GRM1: variants seen among roughly 807,000 people sequenced by gnomAD.
The protein encoded by GRM1 is metabotropic glutamate receptor 1.
Under a neutral mutation model 90.9 loss-of-function variants are expected in GRM1, and 33 were observed. The observed-to-expected ratio is 0.36, with a 90% CI of 0.28 to 0.49. GRM1 has a LOEUF of 0.49. Ranked by LOEUF, GRM1 falls within the 20% of genes least tolerant of loss-of-function variation. The probability of loss-of-function intolerance (pLI) is 0.99; values close to 1 mark genes in which losing one functional copy is unlikely to be tolerated. For synonymous variants in GRM1, 700 were observed against 613.2 expected, an observed-to-expected ratio of 1.14 and a Z score of -2.09; for missense variants, 1,190 against 1,534.3, an observed-to-expected ratio of 0.78 and a Z score of 3.75.
At chr6:146,123,934 T>C (rs1221888053) in intron 1 of GRM1, among the ~76,000 whole-genome samples, 1 of 152,182 alleles carries the variant, frequency 6.6e-6, no homozygotes, top group Non-Finnish European at 1.5e-5. Context: ...CAGATATCCA[T>C]CATGAAGCAG....
At position 146,211,887 on chromosome 6, in the gene GRM1, G is replaced by GA. The variant is rs1391861982; in HGVS notation, c.950+52293dup. ...ATGTATCAGTCAGGGCTCAACCAGA[G>GA]AAAGAGAATCATTAGGAGAGGTACA... is the stretch of plus-strand genomic sequence containing the variant. On this transcript the variant is annotated intron_variant, in intron 2 of 7. Coordinates refer to ENST00000282753, the MANE Select transcript of GRM1 (RefSeq NM_001278064.2). Among the ~76,000 whole-genome samples the GA allele has an allele frequency of 2.0e-5, 3 of 152,284 alleles. No individual in the cohort carries two copies. In the East Asian group the frequency reaches 5.8e-4, roughly 29 times the overall value.
intron 1 of GRM1, among the ~76,000 whole-genome samples, chr6:146,140,512 A>G (rs1171945110): frequency 6.6e-6 from 1 of 151,974 alleles, no homozygotes; most frequent in East Asian, 1.9e-4. Context: ...CACATGATCC[A>G]CCCACCTCAG....
At chr6:146,228,834 A>T (rs1434883806) in intron 2 of GRM1, among the ~76,000 whole-genome samples, 1 of 152,118 alleles carries the variant, frequency 6.6e-6, no homozygotes, top group Non-Finnish European at 1.5e-5. Flanking sequence ...TCATCTATAA[A>T]TGCGGCATCT....
chr6:146,270,888 TCTTTCTTTCTTTCTTTCTTTCTTTCTTC>T (rs1782112785), intron 2 of GRM1, among the ~76,000 whole-genome samples: 2 of 107,040 alleles, frequency 1.9e-5, no homozygotes, highest in South Asian at 3.4e-4. Flanking sequence ...TTTCTTTCTT[TCTTTCTTTCTTTCTTTCTTTCTTTCTTC>T]CTTCCTTCCT....
chr6:146,054,629 A>G (rs1308627090), intron 1 of GRM1, among the ~76,000 whole-genome samples: 1 of 152,064 alleles, frequency 6.6e-6, no homozygotes, highest in Non-Finnish European at 1.5e-5. Flanking sequence ...TCTCACATTT[A>G]TGGAGAGGAG....
intron 2 of GRM1, among the ~76,000 whole-genome samples, chr6:146,165,531 A>G (rs904712013): frequency 6.6e-6 from 1 of 152,152 alleles, no homozygotes; most frequent in African/African-American, 2.4e-5. Flanking sequence ...GAAGGCCAGC[A>G]AGGCAGATAA....
chr6:146,434,872 AG>A lies in GRM1; in HGVS notation c.*78del. On this transcript the variant is annotated 3_prime_UTR_variant, in exon 8 of 8. Transcript: ENST00000282753. ...CTCCAGAGATGTGCAAACAGCTGGGAGGAAAAGCCTGGGAGTGGGGGGCCTC... is the reference window on the plus strand; with the variant it reads ...CTCCAGAGATGTGCAAACAGCTGGGAGAAAAGCCTGGGAGTGGGGGGCCTC... 1 of 1,335,736 alleles carries A rather than the reference AG, an allele frequency of 7.5e-7. No homozygotes were observed. The highest frequency in any genetic ancestry group is 1.1e-6 in the Non-Finnish European group (1 of 943,748). The allele number at this position is 1,335,736 out of a possible 1,614,324, so 82.7% of individuals were successfully genotyped here. A position where few individuals can be genotyped will look rare whatever the true frequency, so the allele number is the denominator to read the frequency against.
chr6:146,302,831 G>A (rs1783438217), intron 2 of GRM1, among the ~76,000 whole-genome samples: 2 of 150,846 alleles, frequency 1.3e-5, no homozygotes, highest in African/African-American at 4.9e-5. Context: ...ACACACAGAA[G>A]TAGCAAAGAA....
intron 4 of GRM1, among the ~76,000 whole-genome samples, chr6:146,355,742 G>A (rs2115049619): frequency 6.6e-6 from 1 of 152,296 alleles, no homozygotes; most frequent in East Asian, 1.9e-4. Flanking sequence ...ATTGGCTGTA[G>A]CCTCCTGGAG....
intron 1 of GRM1, among the ~76,000 whole-genome samples, chr6:146,154,610 T>G (rs980174201): frequency 3.9e-5 from 6 of 152,206 alleles, no homozygotes; most frequent in Non-Finnish European, 8.8e-5. Context: ...TAAGAAAGCT[T>G]CTTTTAAAAA....
At chr6:146,312,080 G>T (rs1386153683) in intron 3 of GRM1, among the ~76,000 whole-genome samples, 1 of 151,954 alleles carries the variant, frequency 6.6e-6, no homozygotes, top group Non-Finnish European at 1.5e-5. Context: ...GGTGGCTCAC[G>T]CCTGTAATCC....
At chr6:146,331,946 C>T (rs573661173) in intron 3 of GRM1, among the ~76,000 whole-genome samples, 2 of 151,890 alleles carry the variant, frequency 1.3e-5, no homozygotes, top group Admixed American at 6.6e-5. Context: ...TTTGGGAATC[C>T]GAAAGAATCA....
intron 5 of GRM1, among the ~76,000 whole-genome samples, chr6:146,367,769 G>A (rs866292059): frequency 1.3e-5 from 2 of 152,094 alleles, no homozygotes; most frequent in Non-Finnish European, 2.9e-5. Flanking sequence ...TGGCTGTGTA[G>A]TATTTTACAG....
At chr6:146,107,734 C>G (rs762825216) in intron 1 of GRM1, among the ~76,000 whole-genome samples, 1 of 152,134 alleles carries the variant, frequency 6.6e-6, no homozygotes, top group Admixed American at 6.5e-5. Flanking sequence ...ATGGAGTCTG[C>G]GAGTTACCTT....
chr6:146,029,983 A>G lies in GRM1; in HGVS notation c.466A>G (p.Ile156Val). 6.2e-7 allele frequency: 1 copy of G among 1,614,108 alleles called. No individual in the cohort carries two copies. The highest frequency in any genetic ancestry group is 8.5e-7 in the Non-Finnish European group (1 of 1,180,004). ...CCCCCCAGGCAGGACTAAGAAGCCCATTGCGGGAGTGATCGGTCCCGGCTC... is the reference window on the plus strand; with the variant it reads ...CCCCCCAGGCAGGACTAAGAAGCCCGTTGCGGGAGTGATCGGTCCCGGCTC... ...SLPPGRTKKP[I>V]AGVIGPGSSS... The change falls in exon 1 of 8, where the codon ATT (isoleucine) becomes GTT (valine). Residue 156 changes from isoleucine (I) to valine (V), a missense_variant. Physicochemically the swap from Ile to Val is conservative, Grantham distance 29. Coordinates refer to ENST00000282753, the MANE Select transcript of GRM1 (RefSeq NM_001278064.2).
chr6:146,245,770 A>G (rs1410435093), intron 2 of GRM1, among the ~76,000 whole-genome samples: 2 of 152,214 alleles, frequency 1.3e-5, no homozygotes, highest in Admixed American at 6.5e-5. Context: ...TTCTTTTCTA[A>G]TAGCTATAAA....
intron 2 of GRM1, among the ~76,000 whole-genome samples, chr6:146,250,403 T>A (rs994052866): frequency 6.6e-6 from 1 of 152,276 alleles, no homozygotes; most frequent in Admixed American, 6.5e-5. Context: ...TCCCATGCTG[T>A]TTTCATGATA....
At chr6:146,389,099 C>G (rs1457372671) in intron 6 of GRM1, among the ~76,000 whole-genome samples, 1 of 152,004 alleles carries the variant, frequency 6.6e-6, no homozygotes, top group African/African-American at 2.4e-5. Flanking sequence ...TGCCTCCTGC[C>G]AGGCCTCTTT....
intron 1 of GRM1, among the ~76,000 whole-genome samples, chr6:146,064,065 C>A (rs1775763469): frequency 6.6e-6 from 1 of 152,102 alleles, no homozygotes; most frequent in East Asian, 1.9e-4. Flanking sequence ...TGAAAATATA[C>A]CAATTGCCTA....
Sources: allele counts gnomAD v4.1 joint callset (sites outside exome capture counted in the v4.1 genomes callset), GRCh38; gene constraint gnomAD v4.1.1; transcripts MANE v1.5; gene names NCBI Gene and HGNC (gene_info 2026-07-23, HGNC 2026-07-21).